The following GYS2 variants were observed in gnomAD, a reference collection of about 807,000 sequenced individuals.
GYS2 encodes glycogen synthase 2, also known as glycogen [starch] synthase, liver.
GYS2 carries 80 observed loss-of-function variants against 85.6 expected under a neutral mutation model. The observed-to-expected ratio is 0.93, with a 90% confidence interval of 0.78 to 1.13. GYS2 has a LOEUF of 1.13. Ranked by LOEUF, GYS2 falls within the 50% of genes most tolerant of loss-of-function variation. GYS2 has a pLI of 0.00. For missense variants in GYS2, 881 were observed against 854.9 expected, an observed-to-expected ratio of 1.03 and a Z score of -0.38; for synonymous variants, 328 against 300.7, an observed-to-expected ratio of 1.09 and a Z score of -0.94.
chr12:21,576,025 A>G lies in GYS2; in HGVS notation c.336T>C (p.Ser112=), dbSNP rs781756067. 8 of 1,613,606 alleles carry G rather than the reference A, an allele frequency of 5.0e-6. No homozygotes were observed. Among genetic ancestry groups the G allele is most frequent in the East Asian group, 2.2e-5 (1 of 44,890 alleles). ...VHFGRWLIEG[S]PYVVLFDIGY... is the part of the protein sequence containing the mutation. Reference sequence around the variant, plus strand: ...CTATGTCAAAAAGTACCACATAAGGACTTCCTTCTATCAGCCATCTTCCAA... The same window carrying G: ...CTATGTCAAAAAGTACCACATAAGGGCTTCCTTCTATCAGCCATCTTCCAA... The change falls in exon 3 of 16, where the codon AGT becomes AGC. Residue 112 remains serine, a synonymous_variant. Coordinates refer to ENST00000261195, the MANE Select transcript of GYS2 (RefSeq NM_021957.4).
At chr12:21,553,277 G>A (rs1207285548) in intron 11 of GYS2, among the ~76,000 whole-genome samples, 1 of 152,212 alleles carries the variant, frequency 6.6e-6, no homozygotes, top group African/African-American at 2.4e-5. Context: ...ATTCACAGAT[G>A]AGAAGACTGA....
intron 1 of GYS2, among the ~76,000 whole-genome samples, chr12:21,586,423 C>G (rs924038853): frequency 1.3e-5 from 1 of 78,656 alleles, no homozygotes; most frequent in Non-Finnish European, 3.0e-5. Context: ...AAATCTATAT[C>G]TATCTATCTA....
intron 1 of GYS2, among the ~76,000 whole-genome samples, chr12:21,590,509 C>T (rs1302839253): frequency 6.6e-6 from 1 of 152,198 alleles, no homozygotes; most frequent in Non-Finnish European, 1.5e-5. Flanking sequence ...CCCTTGCAGC[C>T]ACCACCAACA....
downstream of GYS2, among the ~76,000 whole-genome samples, chr12:21,533,137 C>A (rs10770824): frequency 1.3e-5 from 2 of 152,112 alleles, no homozygotes; most frequent in Non-Finnish European, 1.5e-5. Flanking sequence ...CTGCAGGGAG[C>A]GCTTTCAGCC....
intron 15 of GYS2, chr12:21,537,516 A>T: frequency 3.2e-6 from 1 of 316,736 alleles, no homozygotes; most frequent in Non-Finnish European, 6.0e-6. Flanking sequence ...CACTCAGCAC[A>T]TAAATGGTAG....
intron 13 of GYS2, 136 bp from the exon 14 acceptor site, chr12:21,540,709 C>T: frequency 4.0e-6 from 3 of 750,458 alleles, no homozygotes; most frequent in Middle Eastern, 3.5e-4. Context: ...ATTACCCCCA[C>T]TTTATTCTTT....
At chr12:21,568,593 C>T (rs1944349941) in intron 5 of GYS2, among the ~76,000 whole-genome samples, 1 of 152,214 alleles carries the variant, frequency 6.6e-6, no homozygotes, top group Non-Finnish European at 1.5e-5. Context: ...CATACCGACT[C>T]ATTATGACAA....
At chr12:21,569,603 G>C (rs1287727995) in intron 4 of GYS2, among the ~76,000 whole-genome samples, 4 of 152,150 alleles carry the variant, frequency 2.6e-5, no homozygotes, top group Non-Finnish European at 4.4e-5. Context: ...CTTAAAAAAA[G>C]TCAAATTCCC....
Position 21,565,007 on chromosome 12 carries a change from G to T in GYS2, c.824-1662C>A, listed in dbSNP as rs1944300964. Among the ~76,000 whole-genome samples the T allele has an allele frequency of 3.3e-5, 5 of 152,086 alleles. 1 individual carries two copies. The South Asian group carries it at 1.0e-3, about 32-fold the overall frequency. ...TACAAAAGCTATAGAAGGCAAGAAT[G>T]TATGTGGATACCAGCTTATTATGGA... On this transcript the variant is annotated intron_variant, in intron 5 of 15. Coordinates refer to ENST00000261195, the MANE Select transcript of GYS2 (RefSeq NM_021957.4).
downstream of GYS2, among the ~76,000 whole-genome samples, chr12:21,535,419 C>T (rs1943901668): frequency 2.6e-5 from 4 of 152,118 alleles, no homozygotes; most frequent in South Asian, 8.3e-4. Flanking sequence ...TTCTACTCTC[C>T]AGTACAGAGC....
intron 1 of GYS2, among the ~76,000 whole-genome samples, chr12:21,582,287 G>A (rs1028939143): frequency 6.6e-6 from 1 of 152,120 alleles, no homozygotes; most frequent in African/African-American, 2.4e-5. Context: ...TCAGTGGGCT[G>A]GGGAAGGCAG....
intron 1 of GYS2, among the ~76,000 whole-genome samples, chr12:21,594,635 T>A (rs984521627): frequency 7.9e-5 from 12 of 152,146 alleles, no homozygotes; most frequent in African/African-American, 2.6e-4. Flanking sequence ...TGTTCATGGA[T>A]CAGAAAAATT....
At chr12:21,580,855 T>C (rs1195086884) in intron 1 of GYS2, among the ~76,000 whole-genome samples, 3 of 152,178 alleles carry the variant, frequency 2.0e-5, no homozygotes, top group Non-Finnish European at 4.4e-5. Flanking sequence ...CTCCAGTCAC[T>C]TTGTAGTGTC....
intron 11 of GYS2, among the ~76,000 whole-genome samples, chr12:21,555,040 C>T (rs996237642): frequency 6.6e-6 from 1 of 152,090 alleles, no homozygotes; most frequent in African/African-American, 2.4e-5. Flanking sequence ...TTGTACGTAA[C>T]ATGTGCCAGG....
chr12:21,539,258 C>G lies in GYS2; in HGVS notation c.1890G>C (p.Thr630=). Residue 630 remains threonine, a splice_region_variant and synonymous_variant, in exon 15 of 16, where the codon ACG becomes ACC. Transcript: ENST00000261195. ...KFHVELTSPP[T]TEGFKYPRPS... is the part of the protein sequence containing the mutation. ...AAAAAAAAATACATTGAATATTTAC[C>G]GTTGGTGGTGATGTTAGTTCCACAT... The G allele has an allele frequency of 6.6e-7, 1 of 1,515,654 alleles. No homozygotes were observed. Among genetic ancestry groups the G allele is most frequent in the Non-Finnish European group, 9.2e-7 (1 of 1,090,942 alleles). 93.9% of individuals were successfully genotyped at this position (1,515,654 alleles called of 1,614,324 possible). A position where few individuals can be genotyped will look rare whatever the true frequency, so the allele number is the denominator to read the frequency against.
At position 21,562,948 on chromosome 12, in the gene GYS2, T is replaced by G; in HGVS notation, c.1032A>C (p.Glu344Asp). ...GCAGGAAATTTAGCCTGGATAAGGA[T>G]TCTAGGAAGATGTCAGCTCCTTTGT... ...FSNKGADIFL[E>D]SLSRLNFLLR... is the part of the protein sequence containing the mutation. The change falls in exon 7 of 16, where the codon GAA becomes GAC. Residue 344 changes from glutamate to aspartate, a missense_variant. Physicochemically the swap from Glu to Asp is conservative, Grantham distance 45 (BLOSUM62 2). Coordinates refer to ENST00000261195, the MANE Select transcript of GYS2 (RefSeq NM_021957.4). The G allele has an allele frequency of 6.2e-7, 1 of 1,611,314 alleles. No individual in the cohort carries two copies. Among genetic ancestry groups the G allele is most frequent in the Non-Finnish European group, 8.5e-7 (1 of 1,177,536 alleles).
chr12:21,546,775 C>A (rs1190802734), intron 11 of GYS2, among the ~76,000 whole-genome samples: 1 of 152,142 alleles, frequency 6.6e-6, no homozygotes, highest in Admixed American at 6.5e-5. Context: ...TCCAGTCCAG[C>A]TTTGACATGC....
chr12:21,559,153 G>A lies in GYS2; in HGVS notation c.1246C>T (p.Leu416=), dbSNP rs943911560. ...TCATCTCGATCTAAAATATCGTTCA[G>A]GTCAGGAATTTCTCCTCTGCAGGGA... is the stretch of plus-strand genomic sequence containing the variant. ...DALLRGEIPD[L]NDILDRDDLT... Residue 416 remains leucine (L), a synonymous_variant, in exon 10 of 16, where the codon CTG becomes TTG. Coordinates refer to ENST00000261195, the MANE Select transcript of GYS2 (RefSeq NM_021957.4). 6.2e-7 allele frequency: 1 copy of A among 1,605,824 alleles called. No homozygotes were observed. The highest frequency in any genetic ancestry group is 1.7e-5 in the Admixed American group (1 of 59,892).
In GYS2 at chr12:21,563,497, T is replaced by C. The variant is rs1944280816; in HGVS notation, c.824-152A>G. On this transcript the variant is annotated intron_variant, in intron 5 of 15. Transcript: ENST00000261195. ...ATTTAAAATTTATAAAACTTCCAGT[T>C]CATAAAAAATTCATAAAAATTCGCA... The C allele has an allele frequency of 9.9e-6, 6 of 608,034 alleles. No individual in the cohort carries two copies. The Admixed American group carries it at 1.8e-4, about 18-fold the overall frequency. 37.7% of individuals were successfully genotyped at this position (608,034 alleles called of 1,614,324 possible).
Sources: allele counts gnomAD v4.1 joint callset (sites outside exome capture counted in the v4.1 genomes callset), GRCh38; gene constraint gnomAD v4.1.1; transcripts MANE v1.5; gene names NCBI Gene and HGNC (gene_info 2026-07-23, HGNC 2026-07-21).